GABRB2: variants seen among roughly 807,000 people sequenced by gnomAD.
GABRB2 encodes gamma-aminobutyric acid type A receptor subunit beta2, also known as gamma-aminobutyric acid receptor subunit beta-2.
Under a neutral mutation model 54.7 loss-of-function variants are expected in GABRB2, and 16 were observed. The ratio of observed to expected loss-of-function variants is 0.29; its 90% confidence interval spans 0.20 to 0.44. The LOEUF (loss-of-function observed/expected upper bound fraction) is 0.44. GABRB2 is among the 20% of genes least tolerant of loss of function. The probability of loss-of-function intolerance (pLI) is 1.00; values close to 1 mark genes in which losing one functional copy is unlikely to be tolerated. For missense variants in GABRB2, 355 were observed against 644.0 expected (o/e 0.55, Z 4.86); for synonymous variants, 244 against 233.8 (o/e 1.04, Z -0.40).
intron 3 of GABRB2, among the ~76,000 whole-genome samples, chr5:161,536,666 G>A (rs986562278): frequency 2.0e-5 from 3 of 151,952 alleles, no homozygotes; most frequent in South Asian, 2.1e-4. Flanking sequence ...GCACGATCTC[G>A]GCTCACTACA....
chr5:161,405,753 A>C (rs1297671315), intron 5 of GABRB2, among the ~76,000 whole-genome samples: 2 of 152,118 alleles, frequency 1.3e-5, no homozygotes, highest in Non-Finnish European at 2.9e-5. Flanking sequence ...GTGAATCTAT[A>C]GCATAACCCA....
chr5:161,501,414 A>G (rs1290007545), intron 3 of GABRB2, among the ~76,000 whole-genome samples: 3 of 152,170 alleles, frequency 2.0e-5, no homozygotes, highest in African/African-American at 7.2e-5. Context: ...TATTTTATAT[A>G]GCAGTATTCT....
chr5:161,450,933 G>C (rs1381830001), intron 4 of GABRB2, among the ~76,000 whole-genome samples: 1 of 151,976 alleles, frequency 6.6e-6, no homozygotes, highest in African/African-American at 2.4e-5. Flanking sequence ...CTCACATTCT[G>C]TCCAGAAGGA....
At chr5:161,516,755 T>C (rs1225502883) in intron 3 of GABRB2, among the ~76,000 whole-genome samples, 3 of 152,204 alleles carry the variant, frequency 2.0e-5, no homozygotes, top group African/African-American at 7.2e-5. Flanking sequence ...ATTTATTTTG[T>C]CCAGAAATTG....
At chr5:161,364,021 A>AT (rs1483028321) in intron 5 of GABRB2, among the ~76,000 whole-genome samples, 1 of 152,228 alleles carries the variant, frequency 6.6e-6, no homozygotes, top group Non-Finnish European at 1.5e-5. Flanking sequence ...TGCTGAAGTG[A>AT]TAAAAATCAC....
In GABRB2 at chr5:161,292,087, C is replaced by A. The variant is rs1388194108; in HGVS notation, c.*1994G>T. The stretch of plus-strand genomic sequence containing the variant: ...ATCAAAATATAATGGCCAAGGTTTC[C>A]TACACTGGTGAAAAACAAAATACCA... On this transcript the variant is annotated 3_prime_UTR_variant, in exon 10 of 10. Transcript: ENST00000393959. 2 of 148,666 alleles carry A rather than the reference C, an allele frequency of 1.3e-5. No homozygotes were observed. The highest frequency in any genetic ancestry group is 5.0e-5 in the African/African-American group (2 of 39,746). 9.2% of individuals were successfully genotyped at this position (148,666 alleles called of 1,614,324 possible).
intron 5 of GABRB2, among the ~76,000 whole-genome samples, chr5:161,380,029 T>TA (rs1755419167): frequency 1.3e-5 from 2 of 152,144 alleles, no homozygotes; most frequent in African/African-American, 4.8e-5. Context: ...AATTCCCTTA[T>TA]AAAAAACTTA....
intron 4 of GABRB2, among the ~76,000 whole-genome samples, chr5:161,433,901 CAA>C (rs1481270248): frequency 6.6e-6 from 1 of 151,994 alleles, no homozygotes; most frequent in South Asian, 2.1e-4. Context: ...CAATCCTTTA[CAA>C]AAAAGAGTTA....
At chr5:161,393,197 C>T (rs1755885332) in intron 5 of GABRB2, among the ~76,000 whole-genome samples, 1 of 149,280 alleles carries the variant, frequency 6.7e-6, no homozygotes, top group African/African-American at 2.5e-5. Flanking sequence ...AATCAAGTTG[C>T]ATTAATAGTG....
intron 3 of GABRB2, among the ~76,000 whole-genome samples, chr5:161,523,451 G>A (rs562594884): frequency 2.0e-5 from 3 of 151,576 alleles, no homozygotes; most frequent in Non-Finnish European, 3.0e-5. Context: ...AAGAATTGTA[G>A]TTAAAATTGG....
chr5:161,292,055 T>G lies in GABRB2; in HGVS notation c.*2026A>C, dbSNP rs1419851937. On this transcript the variant is annotated 3_prime_UTR_variant, in exon 10 of 10. Coordinates refer to ENST00000393959, the MANE Select transcript of GABRB2 (RefSeq NM_001371727.1). ...AGATGATACTCAGAGGTGCTCAAGATTATGTAATCAAAATATAATGGCCAA... is the reference window on the plus strand; with the variant it reads ...AGATGATACTCAGAGGTGCTCAAGAGTATGTAATCAAAATATAATGGCCAA... 1.3e-5 allele frequency: 2 copies of G among 151,994 alleles called. No individual in the cohort carries two copies. The highest frequency in any genetic ancestry group is 2.9e-5 in the Non-Finnish European group (2 of 67,986). 9.4% of individuals were successfully genotyped at this position (151,994 alleles called of 1,614,324 possible).
At chr5:161,403,340 C>T (rs1018079243) in intron 5 of GABRB2, among the ~76,000 whole-genome samples, 1 of 152,144 alleles carries the variant, frequency 6.6e-6, no homozygotes, top group Admixed American at 6.6e-5. Flanking sequence ...GGTCCTAGCA[C>T]ACTCTCTTAA....
intron 3 of GABRB2, among the ~76,000 whole-genome samples, chr5:161,468,866 G>C (rs1477420982): frequency 6.6e-6 from 1 of 151,470 alleles, no homozygotes; most frequent in Non-Finnish European, 1.5e-5. Flanking sequence ...AAACCTAACT[G>C]TTCATCAATA....
chr5:161,350,544 G>T (rs1231981422), intron 5 of GABRB2, among the ~76,000 whole-genome samples: 1 of 152,066 alleles, frequency 6.6e-6, no homozygotes, highest in Non-Finnish European at 1.5e-5. Flanking sequence ...ATAATACAAA[G>T]AAATGAAAAG....
intron 5 of GABRB2, among the ~76,000 whole-genome samples, chr5:161,401,075 A>T (rs910323162): frequency 2.0e-5 from 3 of 152,142 alleles, no homozygotes; most frequent in Non-Finnish European, 4.4e-5. Flanking sequence ...CACTGCCAGG[A>T]TGATACAGGT....
chr5:161,295,505 A>G (rs1014856482), intron 9 of GABRB2, among the ~76,000 whole-genome samples: 2 of 152,202 alleles, frequency 1.3e-5, no homozygotes, highest in African/African-American at 4.8e-5. Context: ...ACCAATTACC[A>G]GTAAAATTTC....
chr5:161,303,631 A>C (rs1561600038), intron 9 of GABRB2, among the ~76,000 whole-genome samples: 1 of 152,186 alleles, frequency 6.6e-6, no homozygotes, highest in Non-Finnish European at 1.5e-5. Flanking sequence ...AGATCCCAGA[A>C]GATACAGTTA....
intron 3 of GABRB2, among the ~76,000 whole-genome samples, chr5:161,540,781 T>C (rs1738418616): frequency 6.6e-6 from 1 of 152,148 alleles, no homozygotes; most frequent in South Asian, 2.1e-4. Context: ...ACTAGGTGCA[T>C]TGTCAATGAG....
chr5:161,469,047 A>G (rs1561661344), intron 3 of GABRB2, among the ~76,000 whole-genome samples: 1 of 151,850 alleles, frequency 6.6e-6, no homozygotes, highest in Non-Finnish European at 1.5e-5. Context: ...ATATGTCCCA[A>G]TTTGGGAAAC....
Sources: gnomAD v4.1 joint callset for allele counts (sites outside exome capture counted in the v4.1 genomes callset) on GRCh38, gnomAD v4.1.1 for gene constraint, MANE v1.5 for transcripts, NCBI Gene and HGNC (gene_info 2026-07-23, HGNC 2026-07-21) for gene names.